Variants in PCNX2 observed in about 807,000 individuals in gnomAD.
PCNX2 encodes the protein pecanex 2.
PCNX2 carries 168 observed loss-of-function variants against 223.8 expected under a neutral mutation model. The observed-to-expected ratio is 0.75, with a 90% CI of 0.66 to 0.85. The LOEUF (loss-of-function observed/expected upper bound fraction) is 0.85. PCNX2 is among the 40% of genes least tolerant of loss of function. The pLI is 0.00. For missense variants in PCNX2, 2,507 were observed against 2,675.5 expected, an observed-to-expected ratio of 0.94 and a Z score of 1.39; for synonymous variants, 1,006 against 1,052.6, an observed-to-expected ratio of 0.96 and a Z score of 0.86.
intron 8 of PCNX2, chr1:233,241,048 G>C (rs1658732634): frequency 3.6e-6 from 2 of 553,300 alleles, no homozygotes; most frequent in Non-Finnish European, 4.6e-6. Context: ...AAGGCGCATA[G>C]AGGGACACAG....
At chr1:233,216,240 C>A (rs1460489793) in intron 12 of PCNX2, among the ~76,000 whole-genome samples, 1 of 152,166 alleles carries the variant, frequency 6.6e-6, no homozygotes, top group Non-Finnish European at 1.5e-5. Context: ...ATAGCACCCA[C>A]CCCGTAGGCC....
At chr1:233,246,505 G>C (rs983826458) in intron 8 of PCNX2, among the ~76,000 whole-genome samples, 2 of 152,202 alleles carry the variant, frequency 1.3e-5, no homozygotes, top group Non-Finnish European at 2.9e-5. Flanking sequence ...CTGTAAAACA[G>C]AGCTAGTGTC....
chr1:233,052,487 C>A (rs1246703500), intron 25 of PCNX2, among the ~76,000 whole-genome samples: 1 of 152,190 alleles, frequency 6.6e-6, no homozygotes, highest in African/African-American at 2.4e-5. Context: ...TGCTCCTTAG[C>A]AGGTAAGGCC....
intron 26 of PCNX2, 68 bp from the exon 27 acceptor site, chr1:233,017,222 A>G (rs1397056738): frequency 2.4e-6 from 3 of 1,247,478 alleles, no homozygotes; most frequent in African/African-American, 3.1e-5. Flanking sequence ...AACCTCAGGA[A>G]AGTAAGAGGC....
At chr1:233,091,732 CAAAAA>C (rs11335249) in intron 22 of PCNX2, among the ~76,000 whole-genome samples, 1 of 109,110 alleles carries the variant, frequency 9.2e-6, no homozygotes, top group African/African-American at 3.6e-5. Context: ...GACCCTCCCT[CAAAAA>C]AAAAAAAAAA....
intron 32 of PCNX2, among the ~76,000 whole-genome samples, chr1:232,989,902 G>A (rs1669634388): frequency 6.6e-6 from 1 of 152,248 alleles, no homozygotes; most frequent in African/African-American, 2.4e-5. Context: ...AGACTGGAGG[G>A]CAAGCTAAAG....
chr1:233,136,913 ACTTTC>A (rs781283491), intron 20 of PCNX2, among the ~76,000 whole-genome samples: 3 of 152,138 alleles, frequency 2.0e-5, no homozygotes, highest in Non-Finnish European at 2.9e-5. Context: ...AGCAAATCTA[ACTTTC>A]TGTTTCTGTG....
intron 23 of PCNX2, among the ~76,000 whole-genome samples, chr1:233,065,834 C>T (rs1373830563): frequency 6.6e-6 from 1 of 152,174 alleles, no homozygotes; most frequent in Non-Finnish European, 1.5e-5. Flanking sequence ...TCAGTGATAG[C>T]AGCAGAAGGG....
intron 30 of PCNX2, 73 bp from the exon 31 acceptor site, chr1:232,999,452 CTTTTTTTTTTTTT>C (rs61543110): frequency 8.5e-7 from 1 of 1,170,704 alleles, no homozygotes; most frequent in Non-Finnish European, 1.1e-6. Flanking sequence ...TTTTCTTTTT[CTTTTTTTTTTTTT>C]TTTTTGAGAT....
chr1:233,027,478 T>C (rs551278256), intron 25 of PCNX2, among the ~76,000 whole-genome samples: 12 of 152,360 alleles, frequency 7.9e-5, no homozygotes, highest in Admixed American at 3.9e-4. Context: ...CCTTGATTTT[T>C]CCAAAGAAGC....
At position 233,054,239 on chromosome 1, in the gene PCNX2, A is replaced by C; in HGVS notation, c.4351+29T>G. The C allele has an allele frequency of 1.9e-6, 3 of 1,596,498 alleles. No individual in the cohort carries two copies. In the South Asian group the frequency reaches 3.4e-5, roughly 18 times the overall value. The stretch of plus-strand genomic sequence containing the variant: ...TAATTAACTCAAGCAACCAACTTTC[A>C]ACAGTTTCTACAATGAAGAAATTCT... On this transcript the variant is annotated intron_variant, in intron 25 of 33. Transcript: ENST00000258229.
chr1:233,038,760 G>A (rs1279579206), intron 25 of PCNX2, among the ~76,000 whole-genome samples: 1 of 152,186 alleles, frequency 6.6e-6, no homozygotes, highest in African/African-American at 2.4e-5. Context: ...GCATGGATTA[G>A]CCAGCTATGA....
chr1:233,285,019 C>T, intron 1 of PCNX2: 1 of 985,058 alleles, frequency 1.0e-6, no homozygotes. Flanking sequence ...GCTAACCATA[C>T]CCCTGACATC....
At chr1:233,237,933 G>A (rs764240057) in intron 8 of PCNX2, among the ~76,000 whole-genome samples, 1 of 152,104 alleles carries the variant, frequency 6.6e-6, no homozygotes, top group Non-Finnish European at 1.5e-5. Flanking sequence ...GAGAGCTCTC[G>A]GACAAATTTT....
intron 4 of PCNX2, 39 bp from the exon 5 acceptor site, chr1:233,259,383 G>T: frequency 1.3e-6 from 2 of 1,545,980 alleles, no homozygotes; most frequent in Admixed American, 2.0e-5. Context: ...CATCAGAAAT[G>T]AATGAGTAAT....
At chr1:233,044,125 T>C (rs1671744134) in intron 25 of PCNX2, among the ~76,000 whole-genome samples, 1 of 152,156 alleles carries the variant, frequency 6.6e-6, no homozygotes, top group Non-Finnish European at 1.5e-5. Context: ...CGGTATCTCA[T>C]TGTGGTTTTG....
the PCNX2 span, among the ~76,000 whole-genome samples, chr1:233,311,324 G>A: frequency 6.6e-6 from 1 of 152,190 alleles, no homozygotes; most frequent in Admixed American, 6.5e-5. Context: ...CAGCCTGCCT[G>A]GAAAGATGGA....
the PCNX2 span, among the ~76,000 whole-genome samples, chr1:233,309,514 C>A: frequency 2.0e-5 from 3 of 149,044 alleles, no homozygotes; most frequent in African/African-American, 7.4e-5. Context: ...ATACTCCAGC[C>A]TGGGCAACAG....
chr1:233,070,773 A>G (rs1353319701), intron 23 of PCNX2, among the ~76,000 whole-genome samples: 2 of 152,196 alleles, frequency 1.3e-5, no homozygotes, highest in Non-Finnish European at 2.9e-5. Flanking sequence ...ACAGTGGCTC[A>G]TGCCTGTAAT....
Sources: allele counts gnomAD v4.1 joint callset (sites outside exome capture counted in the v4.1 genomes callset), GRCh38; gene constraint gnomAD v4.1.1; transcripts MANE v1.5; gene names NCBI Gene and HGNC (gene_info 2026-07-23, HGNC 2026-07-21).